Variants in PCDHA3 observed in about 807,000 individuals in gnomAD.
PCDHA3 encodes the protein protocadherin alpha 3, also known as protocadherin alpha-3.
A neutral mutation model predicts 62.2 loss-of-function variants in PCDHA3; 41 were observed. The observed-to-expected ratio is 0.66, with a 90% CI of 0.51 to 0.86. PCDHA3 has a LOEUF of 0.86. Among genes scored for constraint, PCDHA3 ranks in the 40% least tolerant of loss-of-function variants. PCDHA3 has a pLI of 0.00. For synonymous variants in PCDHA3, 640 were observed against 555.4 expected (o/e 1.15, Z -2.14); for missense variants, 1,304 against 1,241.2 (o/e 1.05, Z -0.76).
intron 1 of PCDHA3, chr5:140,967,218 C>G: frequency 6.2e-7 from 1 of 1,613,744 alleles, no homozygotes; most frequent in Non-Finnish European, 8.5e-7. Flanking sequence ...TTCCCGCGGC[C>G]CAACTACCAG....
intron 1 of PCDHA3, among the ~76,000 whole-genome samples, chr5:140,821,043 A>C (rs1264059753): frequency 6.6e-6 from 1 of 152,096 alleles, no homozygotes; most frequent in East Asian, 1.9e-4. Context: ...GAAGAAACTC[A>C]GGTAAGAATG....
At chr5:140,854,796 A>G (rs1379187736) in intron 1 of PCDHA3, 2 of 149,770 alleles carry the variant, frequency 1.3e-5, no homozygotes, top group African/African-American at 4.9e-5. Flanking sequence ...TTGAGAGAGA[A>G]AAAAATATTT....
At chr5:140,835,713 G>A (rs1490262611) in intron 1 of PCDHA3, 1 of 1,613,696 alleles carries the variant, frequency 6.2e-7, no homozygotes, top group African/African-American at 1.3e-5. Context: ...CGTGTCCGTG[G>A]AGGTGGCCGA....
Position 140,822,373 on chromosome 5 carries a change from G to C in PCDHA3, c.2394+18782G>C, listed in dbSNP as rs782531661. On this transcript the variant is annotated intron_variant, in intron 1 of 3. Coordinates refer to ENST00000522353, the MANE Select transcript of PCDHA3 (RefSeq NM_018906.3). ...AGAGCTGGTTTTGAGGAAATCCTTA[G>C]ATAGAGAAGAAACACAAGAACACCG... 1 of 1,614,112 alleles carries C rather than the reference G, an allele frequency of 6.2e-7. No individual in the cohort carries two copies. The highest frequency in any genetic ancestry group is 1.7e-5 in the Admixed American group (1 of 60,034).
rs149739125 is a variant in PCDHA3, at chr5:140,954,248, C to T, written c.2395-24701C>T. 1.2e-3 allele frequency among the ~76,000 whole-genome samples: 179 copies of T among 152,316 alleles called. 1 individual carries two copies. The highest frequency in any genetic ancestry group is 4.0e-3 in the African/African-American group (166 of 41,572). ...TGAATAGTGCTGCAATGAACATACACATGCAGGTATCTTTATAATAGGATG... is the reference window on the plus strand; with the variant it reads ...TGAATAGTGCTGCAATGAACATACATATGCAGGTATCTTTATAATAGGATG... On this transcript the variant is annotated intron_variant, in intron 1 of 3. Coordinates refer to ENST00000522353, the MANE Select transcript of PCDHA3 (RefSeq NM_018906.3).
At chr5:140,824,610 G>GTTGTTTTTTTTTTTTTTTT (rs1768193318) in intron 1 of PCDHA3, 1 of 95,104 alleles carries the variant, frequency 1.1e-5, no homozygotes, top group African/African-American at 4.9e-5. Flanking sequence ...GCTAATTAAA[G>GTTGTTTTTTTTTTTTTTTT]TTTTTTTTTT....
intron 1 of PCDHA3, chr5:140,927,386 C>T: frequency 6.2e-7 from 1 of 1,614,106 alleles, no homozygotes; most frequent in African/African-American, 1.3e-5. Flanking sequence ...AGCCTAAGCC[C>T]CAGTCAGCAC....
chr5:140,954,208 A>C (rs568734009), intron 1 of PCDHA3, among the ~76,000 whole-genome samples: 1 of 152,254 alleles, frequency 6.6e-6, no homozygotes, highest in Admixed American at 6.5e-5. Context: ...GGTTGATCCC[A>C]TGTTTTTGCT....
chr5:140,877,168 C>T lies in PCDHA3; in HGVS notation c.2394+73577C>T, dbSNP rs199567490. The T allele has an allele frequency of 1.0e-4, 161 of 1,613,836 alleles. No homozygotes were observed. In the African/African-American group the frequency reaches 2.0e-3, roughly 20 times the overall value. On this transcript the variant is annotated intron_variant, in intron 1 of 3. Coordinates refer to ENST00000522353, the MANE Select transcript of PCDHA3 (RefSeq NM_018906.3). ...CGAGAACGACAACGCGCCGGCACTG[C>T]TGGCGACTCCGGCTGGCAGCGCAGG...
chr5:140,999,332 T>TTATAA (rs1554256746), intron 3 of PCDHA3, among the ~76,000 whole-genome samples: 1 of 152,222 alleles, frequency 6.6e-6, no homozygotes, highest in Non-Finnish European at 1.5e-5. Flanking sequence ...TCTGTGTGAT[T>TTATAA]TATAAGCCTT....
chr5:140,944,929 C>T (rs1387660974), intron 1 of PCDHA3, among the ~76,000 whole-genome samples: 1 of 152,052 alleles, frequency 6.6e-6, no homozygotes, highest in Non-Finnish European at 1.5e-5. Flanking sequence ...TGGTTTATGC[C>T]TTCTTTAGAT....
At chr5:140,883,635 C>G (rs997170789) in intron 1 of PCDHA3, 13 of 1,613,058 alleles carry the variant, frequency 8.1e-6, no homozygotes, top group Non-Finnish European at 1.1e-5. Context: ...CCGGCGTTCG[C>G]GCAGCCCGAG....
chr5:141,003,684 A>C (rs1425078507), intron 3 of PCDHA3, among the ~76,000 whole-genome samples: 1 of 152,240 alleles, frequency 6.6e-6, no homozygotes, highest in Non-Finnish European at 1.5e-5. Flanking sequence ...TTCTGATTTT[A>C]AAATATATCC....
chr5:140,822,660 T>A (rs2150118330), intron 1 of PCDHA3: 5 of 1,609,192 alleles, frequency 3.1e-6, no homozygotes, highest in Non-Finnish European at 3.4e-6. Context: ...TTATAATTAA[T>A]TCTAATACTG....
intron 1 of PCDHA3, among the ~76,000 whole-genome samples, chr5:140,844,991 A>G (rs1435563145): frequency 2.0e-5 from 3 of 149,284 alleles, no homozygotes; most frequent in South Asian, 4.3e-4. Flanking sequence ...AAATCTTTTA[A>G]TCACTTATGA....
chr5:140,927,643 G>A lies in PCDHA3; in HGVS notation c.2395-51306G>A. On this transcript the variant is annotated intron_variant, in intron 1 of 3. Coordinates refer to ENST00000522353, the MANE Select transcript of PCDHA3 (RefSeq NM_018906.3). The stretch of plus-strand genomic sequence containing the variant: ...TCCAGAGACTGCACCCAATGGGACT[G>A]TGTTATTCCGAGTTCAAGCCTTGGA... The A allele has an allele frequency of 3.7e-6, 6 of 1,614,170 alleles. No homozygotes were observed. Among genetic ancestry groups the A allele is most frequent in the South Asian group, 1.1e-5 (1 of 91,088 alleles).
intron 1 of PCDHA3, among the ~76,000 whole-genome samples, chr5:140,956,132 C>G (rs782171826): frequency 2.6e-5 from 4 of 152,028 alleles, no homozygotes; most frequent in Admixed American, 6.6e-5. Context: ...ATTTGAATAC[C>G]CTTTATTTCT....
rs782137990 is a variant in PCDHA3, at chr5:140,802,349, G to C, written c.1152G>C (p.Gln384His). Residue 384 changes from glutamine to histidine, a missense_variant, in exon 1 of 4, where the codon CAG (glutamine) becomes CAC (histidine). Transcript: ENST00000522353. Reference protein sequence around the residue: ...VSDRDSGVNGQVTCSLTPHVP... With the variant: ...VSDRDSGVNGHVTCSLTPHVP... Reference sequence around the variant, plus strand: ...ACCGCGACTCAGGAGTCAATGGACAGGTCACCTGCTCGCTGACGCCCCACG... The same window carrying C: ...ACCGCGACTCAGGAGTCAATGGACACGTCACCTGCTCGCTGACGCCCCACG... 2 of 1,614,228 alleles carry C rather than the reference G, an allele frequency of 1.2e-6. No individual in the cohort carries two copies. The highest frequency in any genetic ancestry group is 3.3e-4 in the Middle Eastern group (2 of 6,062).
chr5:140,828,034 A>T, intron 1 of PCDHA3: 1 of 1,527,332 alleles, frequency 6.5e-7, no homozygotes, highest in Middle Eastern at 1.8e-4. Flanking sequence ...CGGAACATAC[A>T]GTATTTTATC....
Sources: allele counts gnomAD v4.1 joint callset (sites outside exome capture counted in the v4.1 genomes callset), GRCh38; gene constraint gnomAD v4.1.1; transcripts MANE v1.5; gene names NCBI Gene and HGNC (gene_info 2026-07-23, HGNC 2026-07-21).